The following METTL25 variants were observed in gnomAD, a reference collection of about 807,000 sequenced individuals.
METTL25 encodes methyltransferase like 25, also known as probable methyltransferase-like protein 25.
A neutral mutation model predicts 71.6 loss-of-function variants in METTL25; 64 were observed. The ratio of observed to expected loss-of-function variants is 0.89; its 90% CI spans 0.73 to 1.10. The LOEUF (loss-of-function observed/expected upper bound fraction) is 1.10. METTL25 is among the 50% of genes least tolerant of loss of function. METTL25 has a pLI of 0.00. For synonymous variants in METTL25, 287 were observed against 250.3 expected (o/e 1.15, Z -1.38); for missense variants, 807 against 707.0 (o/e 1.14, Z -1.60).
At chr12:82,359,486 A>G (rs529565828) in intron 1 of METTL25, among the ~76,000 whole-genome samples, 1 of 152,324 alleles carries the variant, frequency 6.6e-6, no homozygotes, top group East Asian at 1.9e-4. Context: ...TATTTAGGCA[A>G]CATAGTGACC....
chr12:82,422,753 CAG>C (rs770347635), intron 5 of METTL25, among the ~76,000 whole-genome samples: 1 of 152,106 alleles, frequency 6.6e-6, no homozygotes, highest in Non-Finnish European at 1.5e-5. Flanking sequence ...ACACCAATAA[CAG>C]ACAAACAGAG....
At chr12:82,459,738 A>C (rs964752112) in intron 9 of METTL25, 4 of 152,254 alleles carry the variant, frequency 2.6e-5, no homozygotes, top group African/African-American at 9.6e-5. Flanking sequence ...GAACTTGAGG[A>C]TCTATCAATA....
chr12:82,373,162 A>G (rs868720791), intron 1 of METTL25, among the ~76,000 whole-genome samples: 4 of 152,128 alleles, frequency 2.6e-5, no homozygotes, highest in Admixed American at 6.5e-5. Flanking sequence ...GGACCTTACC[A>G]CTGTCCTATA....
At chr12:82,386,322 G>C (rs1459784435) in intron 1 of METTL25, among the ~76,000 whole-genome samples, 1 of 152,072 alleles carries the variant, frequency 6.6e-6, no homozygotes, top group South Asian at 2.1e-4. Context: ...TAACAGTGTT[G>C]CCCGGGCTGA....
intron 9 of METTL25, among the ~76,000 whole-genome samples, chr12:82,461,781 A>G (rs1891895051): frequency 6.6e-6 from 1 of 152,220 alleles, no homozygotes; most frequent in Non-Finnish European, 1.5e-5. Context: ...ACTTTAACTC[A>G]TGAAAGTCTG....
At chr12:82,456,046 T>TTAA (rs1891466893) in intron 8 of METTL25, among the ~76,000 whole-genome samples, 1 of 151,932 alleles carries the variant, frequency 6.6e-6, no homozygotes, top group African/African-American at 2.4e-5. Context: ...GTCTAATTAA[T>TTAA]CAGAGGTGTT....
intron 1 of METTL25, among the ~76,000 whole-genome samples, chr12:82,385,257 A>G (rs1884863289): frequency 6.6e-6 from 1 of 152,124 alleles, no homozygotes; most frequent in Admixed American, 6.6e-5. Context: ...ACAAACCCTC[A>G]TCACTTATCT....
At chr12:82,398,142 A>T (rs774945249) in intron 3 of METTL25, among the ~76,000 whole-genome samples, 1 of 151,746 alleles carries the variant, frequency 6.6e-6, no homozygotes, top group Admixed American at 6.6e-5. Context: ...GCAGTGTTTT[A>T]TAGTTTTCAA....
chr12:82,437,453 CA>C (rs758487329), intron 7 of METTL25, among the ~76,000 whole-genome samples: 83 of 151,542 alleles, frequency 5.5e-4, no homozygotes, highest in Non-Finnish European at 9.6e-4. Context: ...GCAGTGCCAT[CA>C]GGGGAAGATG....
chr12:82,376,532 A>C (rs1397101874), intron 1 of METTL25, among the ~76,000 whole-genome samples: 1 of 152,340 alleles, frequency 6.6e-6, no homozygotes, highest in East Asian at 1.9e-4. Context: ...TTTACAATTT[A>C]TTCAGAGTTT....
At chr12:82,371,222 G>C (rs1265062132) in intron 1 of METTL25, among the ~76,000 whole-genome samples, 1 of 152,184 alleles carries the variant, frequency 6.6e-6, no homozygotes, top group Non-Finnish European at 1.5e-5. Context: ...CAATTTCCTG[G>C]CCCTCAATTG....
At chr12:82,430,829 A>T in intron 5 of METTL25, 64 bp from the exon 6 acceptor site, 1 of 872,826 alleles carries the variant, frequency 1.1e-6, no homozygotes, top group Non-Finnish European at 1.8e-6. Context: ...TTGGTAGATT[A>T]TTTATTTTAA....
Position 82,440,508 on chromosome 12 carries a change from A to T in METTL25, c.1478+1717A>T, listed in dbSNP as rs1405300540. On this transcript the variant is annotated intron_variant, in intron 8 of 11. Coordinates refer to ENST00000248306, the MANE Select transcript of METTL25 (RefSeq NM_032230.3). ...ATTAGAAGTCTAGAAATGATACTTGATTCTACTTTTATCATCAGACCACAT... is the reference window on the plus strand; with the variant it reads ...ATTAGAAGTCTAGAAATGATACTTGTTTCTACTTTTATCATCAGACCACAT... Among the ~76,000 whole-genome samples the T allele has an allele frequency of 2.0e-5, 3 of 152,018 alleles. No individual in the cohort carries two copies. The East Asian group carries it at 5.8e-4, about 29-fold the overall frequency.
chr12:82,434,581 T>A, intron 6 of METTL25, 114 bp from the exon 7 acceptor site: 1 of 818,642 alleles, frequency 1.2e-6, no homozygotes, highest in Non-Finnish European at 2.1e-6. Context: ...AACTTACATA[T>A]TATCACATAA....
intron 5 of METTL25, among the ~76,000 whole-genome samples, chr12:82,427,373 T>C (rs1370298615): frequency 6.6e-6 from 1 of 151,978 alleles, no homozygotes; most frequent in African/African-American, 2.4e-5. Context: ...GTCAAGAATT[T>C]GGGAGTATAC....
intron 9 of METTL25, among the ~76,000 whole-genome samples, chr12:82,457,607 T>C (rs1164566004): frequency 6.6e-6 from 1 of 151,954 alleles, no homozygotes; most frequent in African/African-American, 2.4e-5. Context: ...TTCCTCCCCT[T>C]TAAAATAGCT....
intron 5 of METTL25, among the ~76,000 whole-genome samples, chr12:82,406,587 G>A (rs1039078270): frequency 6.6e-6 from 1 of 152,126 alleles, no homozygotes; most frequent in African/African-American, 2.4e-5. Flanking sequence ...GCTTAAGGCA[G>A]TGGTACTCTT....
At chr12:82,391,995 T>G (rs1885632271) in intron 3 of METTL25, among the ~76,000 whole-genome samples, 1 of 151,650 alleles carries the variant, frequency 6.6e-6, no homozygotes, top group Admixed American at 6.6e-5. Context: ...ATATTGGACA[T>G]TTTTTCATAT....
At chr12:82,438,110 A>G (rs1890054375) in intron 7 of METTL25, among the ~76,000 whole-genome samples, 1 of 151,678 alleles carries the variant, frequency 6.6e-6, no homozygotes. Flanking sequence ...TTGAACCTTT[A>G]TGGGACATCT....
Sources: gnomAD v4.1 joint callset for allele counts (sites outside exome capture counted in the v4.1 genomes callset) on GRCh38, gnomAD v4.1.1 for gene constraint, MANE v1.5 for transcripts, NCBI Gene and HGNC (gene_info 2026-07-23, HGNC 2026-07-21) for gene names.